Variants in PAPPA observed in about 807,000 individuals in gnomAD.
The protein encoded by PAPPA is pappalysin 1.
Under a neutral mutation model 164.0 loss-of-function variants are expected in PAPPA, and 60 were observed. The observed-to-expected ratio is 0.37, with a 90% CI of 0.30 to 0.45. The LOEUF (loss-of-function observed/expected upper bound fraction) is 0.45, where lower values mean the gene tolerates loss of function less well. Among genes scored for constraint, PAPPA ranks in the 20% least tolerant of loss-of-function variants. The pLI is 1.00. For missense variants in PAPPA, 1,782 were observed against 2,087.3 expected (o/e 0.85, Z 2.85); for synonymous variants, 875 against 814.1 (o/e 1.07, Z -1.27).
At chr9:116,197,994 C>T (rs1387234163) in intron 2 of PAPPA, among the ~76,000 whole-genome samples, 1 of 152,232 alleles carries the variant, frequency 6.6e-6, no homozygotes, top group Non-Finnish European at 1.5e-5. Flanking sequence ...GTTCCTAAAA[C>T]ATTGACTGCT....
chr9:116,232,693 A>T (rs1021250204), intron 6 of PAPPA, among the ~76,000 whole-genome samples: 1 of 152,242 alleles, frequency 6.6e-6, no homozygotes, highest in Non-Finnish European at 1.5e-5. Flanking sequence ...GAAGGCTGGC[A>T]TTATTAATGA....
chr9:116,342,318 T>G (rs1378889450), intron 13 of PAPPA, among the ~76,000 whole-genome samples: 1 of 152,212 alleles, frequency 6.6e-6, no homozygotes, highest in South Asian at 2.1e-4. Context: ...GGTCTCCACA[T>G]GGTACAATGC....
At position 116,401,152 on chromosome 9, in the gene PAPPA, T is replaced by C. The variant is rs542433778; in HGVS notation, c.*4536T>C. ...TAGTCCACCTTAAAAGAGAGACCTG[T>C]ATTGGAGAATATTTTATTTTTTTGG... On this transcript the variant is annotated 3_prime_UTR_variant, in exon 22 of 22. Coordinates refer to ENST00000328252, the MANE Select transcript of PAPPA (RefSeq NM_002581.5). 6.5e-6 allele frequency: 1 copy of C among 152,770 alleles called. No individual in the cohort carries two copies. The highest frequency in any genetic ancestry group is 2.4e-5 in the African/African-American group (1 of 41,584). 9.5% of individuals were successfully genotyped at this position (152,770 alleles called of 1,614,324 possible).
At chr9:116,220,178 GA>G in intron 5 of PAPPA, 49 bp downstream of exon 5, 1 of 1,429,010 alleles carries the variant, frequency 7.0e-7, no homozygotes, top group Non-Finnish European at 9.6e-7. Flanking sequence ...CTCCTGCCAA[GA>G]AGAAGGAAAC....
At chr9:116,215,218 G>A (rs750151299) in intron 4 of PAPPA, among the ~76,000 whole-genome samples, 2 of 152,124 alleles carry the variant, frequency 1.3e-5, no homozygotes, top group Admixed American at 6.5e-5. Flanking sequence ...GCCCAGCTTT[G>A]ATCTTCGGCA....
Position 116,188,138 on chromosome 9 carries a change from A to G in PAPPA, c.1400A>G (p.Asn467Ser), listed in dbSNP as rs1301801817. 1 of 1,614,212 alleles carries G rather than the reference A, an allele frequency of 6.2e-7. No homozygotes were observed. The highest frequency in any genetic ancestry group is 8.5e-7 in the Non-Finnish European group (1 of 1,180,034). Residue 467 changes from asparagine to serine, a missense_variant, in exon 2 of 22, where the codon AAC becomes AGC. By Grantham distance (46) the Asn-to-Ser change is conservative. This residue lies in a region of PAPPA where 1,324 missense variants were observed against 1,656.9 expected (regional missense o/e 0.80). Transcript: ENST00000328252. ...CDMDCNYERFNFDGGECCDPE... is the reference protein window; with the variant it reads ...CDMDCNYERFSFDGGECCDPE... ...ATGGACTGCAACTATGAACGGTTCA[A>G]CTTTGATGGTGGAGAGTGCTGTGAC...
rs965822537 is a variant in PAPPA at position 116,227,629 on chromosome 9, T to A, written c.2233+77T>A. The A allele has an allele frequency of 2.0e-6, 3 of 1,477,670 alleles. No homozygotes were observed. The African/African-American group carries it at 4.2e-5, about 21-fold the overall frequency. 91.5% of individuals were successfully genotyped at this position (1,477,670 alleles called of 1,614,324 possible). A position where few individuals can be genotyped will look rare whatever the true frequency, so the allele number is the denominator to read the frequency against. On this transcript the variant is annotated intron_variant, in intron 6 of 21. Transcript: ENST00000328252. ...CTCTTTCAATGTATATGGGGTTTTA[T>A]TATTTTTATGGGTCTTTGCCATGTA...
chr9:116,250,855 G>A (rs1033968009), intron 7 of PAPPA, among the ~76,000 whole-genome samples: 4 of 152,174 alleles, frequency 2.6e-5, no homozygotes, highest in African/African-American at 9.7e-5. Flanking sequence ...CTATGTAACA[G>A]AGTGTTGGAC....
intron 1 of PAPPA, among the ~76,000 whole-genome samples, chr9:116,161,652 T>A (rs1843665853): frequency 6.6e-6 from 1 of 151,972 alleles, no homozygotes; most frequent in Non-Finnish European, 1.5e-5. Context: ...ACTGAAGTAC[T>A]TGTGGGTAAA....
intron 1 of PAPPA, among the ~76,000 whole-genome samples, chr9:116,158,500 C>T (rs1460806107): frequency 6.6e-6 from 1 of 152,192 alleles, no homozygotes; most frequent in Non-Finnish European, 1.5e-5. Context: ...CTTCTCTGGA[C>T]TTCATTCACC....
intron 1 of PAPPA, among the ~76,000 whole-genome samples, chr9:116,157,670 C>T (rs1843619710): frequency 6.6e-6 from 1 of 152,076 alleles, no homozygotes; most frequent in African/African-American, 2.4e-5. Flanking sequence ...TGGCATCTGA[C>T]TTCCAGGCCT....
chr9:116,377,775 C>G, intron 20 of PAPPA, 128 bp downstream of exon 20: 1 of 680,066 alleles, frequency 1.5e-6, no homozygotes, highest in Non-Finnish European at 2.6e-6. Context: ...ATTTAGCAGA[C>G]TTCTTGGACA....
chr9:116,188,176 A>C lies in PAPPA; in HGVS notation c.1438A>C (p.Asn480His). Residue 480 changes from asparagine (N) to histidine (H), a missense_variant, in exon 2 of 22, where the codon AAT (asparagine) becomes CAT (histidine). Asn to His is a moderately conservative substitution (Grantham distance 68). Around this residue, in one of 2 missense-constraint regions of PAPPA, gnomAD observed 1,324 missense variants for 1,656.9 expected, o/e 0.80. Transcript: ENST00000328252. ...GGECCDPEIT[N>H]VTQTCFDPDS... ...AGAGTGCTGTGACCCTGAAATCACC[A>C]ATGTCACTCAGACTTGCTTTGACCC... 6.2e-7 allele frequency: 1 copy of C among 1,613,664 alleles called. No homozygotes were observed. Among genetic ancestry groups the C allele is most frequent in the South Asian group, 1.1e-5 (1 of 91,064 alleles).
At chr9:116,306,765 A>G (rs1423970706) in intron 10 of PAPPA, among the ~76,000 whole-genome samples, 1 of 152,226 alleles carries the variant, frequency 6.6e-6, no homozygotes, top group Non-Finnish European at 1.5e-5. Context: ...AAAGGATGCC[A>G]AAATGAGATG....
At chr9:116,381,868 G>T (rs1371561323) in intron 20 of PAPPA, among the ~76,000 whole-genome samples, 1 of 152,198 alleles carries the variant, frequency 6.6e-6, no homozygotes, top group Non-Finnish European at 1.5e-5. Flanking sequence ...CCTTGTGAGA[G>T]GGAGCCCACT....
intron 6 of PAPPA, among the ~76,000 whole-genome samples, chr9:116,230,751 A>C (rs1240389903): frequency 1.3e-5 from 2 of 152,154 alleles, no homozygotes; most frequent in African/African-American, 2.4e-5. Flanking sequence ...CTACCCCTTG[A>C]GCAAAAACTG....
At position 116,347,423 on chromosome 9, in the gene PAPPA, C is replaced by G. The variant is rs1846225944; in HGVS notation, c.3964+214C>G. Among the ~76,000 whole-genome samples, 1 of 152,014 alleles carries G rather than the reference C, an allele frequency of 6.6e-6. No individual in the cohort carries two copies. Among genetic ancestry groups the G allele is most frequent in the Non-Finnish European group, 1.5e-5 (1 of 68,014 alleles). On this transcript the variant is annotated intron_variant, in intron 15 of 21. Transcript: ENST00000328252. This position sits in a 1 kb window ranked among gnomAD's most constrained non-coding sequence, Gnocchi z 4.5. Reference sequence around the variant, plus strand: ...TATGGATAATTATGACAGTGAAGCCCTTTCCAAGACCTTGGAAATCTTGCA... The same window carrying G: ...TATGGATAATTATGACAGTGAAGCCGTTTCCAAGACCTTGGAAATCTTGCA...
Position 116,391,420 on chromosome 9 carries a change from C to A in PAPPA, c.4777-5089C>A, listed in dbSNP as rs1223969944. Among the ~76,000 whole-genome samples the A allele has an allele frequency of 2.0e-5, 3 of 152,182 alleles. No homozygotes were observed. The East Asian group carries it at 5.8e-4, about 29-fold the overall frequency. Reference sequence around the variant, plus strand: ...AGGAGACACAGTCAAAGCTCTCTGACCATCAGCACAACATGACTGTTGTCC... The same window carrying A: ...AGGAGACACAGTCAAAGCTCTCTGAACATCAGCACAACATGACTGTTGTCC... On this transcript the variant is annotated intron_variant, in intron 21 of 21. Coordinates refer to ENST00000328252, the MANE Select transcript of PAPPA (RefSeq NM_002581.5).
rs774600075 is a variant in PAPPA, at chr9:116,382,444, G to C, written c.4727G>C (p.Cys1576Ser). Reference protein sequence around the residue: ...YCDAINNRAFCNYDGGDCCTS... With the variant: ...YCDAINNRAFSNYDGGDCCTS... ...GATGCCATCAACAACCGAGCCTTTT[G>C]CAACTATGACGGTGGGGATTGCTGC... Residue 1576 changes from cysteine to serine, a missense_variant, in exon 21 of 22, where the codon TGC becomes TCC. Transcript: ENST00000328252. 1 of 1,613,880 alleles carries C rather than the reference G, an allele frequency of 6.2e-7. No individual in the cohort carries two copies. Among genetic ancestry groups the C allele is most frequent in the East Asian group, 2.2e-5 (1 of 44,856 alleles).
Sources: gnomAD v4.1 joint callset for allele counts (sites outside exome capture counted in the v4.1 genomes callset) on GRCh38, gnomAD v4.1.1 for gene constraint, gnomAD v4.1.1 regional missense constraint, Gnocchi (gnomAD v3.1) non-coding constraint, MANE v1.5 for transcripts, NCBI Gene and HGNC (gene_info 2026-07-23, HGNC 2026-07-21) for gene names.